SSPN: variants seen among roughly 807,000 people sequenced by gnomAD.
SSPN encodes the protein K-ras oncogene-associated protein.
A neutral mutation model predicts 19.1 loss-of-function variants in SSPN; 15 were observed. The ratio of observed to expected loss-of-function variants is 0.78; its 90% confidence interval spans 0.52 to 1.21. The LOEUF is 1.21. Ranked by LOEUF, SSPN falls within the 50% of genes most tolerant of loss-of-function variation. The pLI is 0.00. For synonymous variants in SSPN, 147 were observed against 140.3 expected (o/e 1.05, Z -0.34); for missense variants, 291 against 314.0 (o/e 0.93, Z 0.55).
chr12:26,161,169 C>T (rs1405480993), intron 1 of SSPN, among the ~76,000 whole-genome samples: 1 of 151,524 alleles, frequency 6.6e-6, no homozygotes, highest in Non-Finnish European at 1.5e-5. Context: ...TGCTTAAAAC[C>T]TTGCATGGCT....
chr12:26,228,011 T>A (rs1430708387), intron 2 of SSPN, among the ~76,000 whole-genome samples: 1 of 152,230 alleles, frequency 6.6e-6, no homozygotes, highest in African/African-American at 2.4e-5. Context: ...ATGAGTAAAA[T>A]CTTTTTCAAC....
chr12:26,182,653 C>A (rs1944727252), intron 1 of SSPN, among the ~76,000 whole-genome samples: 2 of 139,448 alleles, frequency 1.4e-5, no homozygotes, highest in African/African-American at 5.2e-5. Flanking sequence ...CCTTCCCTCC[C>A]CTCCAGTGGC....
At chr12:26,146,608 A>G (rs917618564) in intron 1 of SSPN, among the ~76,000 whole-genome samples, 13 of 152,204 alleles carry the variant, frequency 8.5e-5, no homozygotes, top group African/African-American at 3.1e-4. Flanking sequence ...AGATCACTTG[A>G]GGCCAGGAGT....
At chr12:26,204,511 G>A (rs1374994727) in intron 1 of SSPN, among the ~76,000 whole-genome samples, 1 of 56,970 alleles carries the variant, frequency 1.8e-5, no homozygotes, top group East Asian at 5.3e-4. Context: ...AGGATACTTT[G>A]GCTTCTGATG....
chr12:26,164,899 ATCC>A (rs1276550284), intron 1 of SSPN, among the ~76,000 whole-genome samples: 3 of 152,110 alleles, frequency 2.0e-5, no homozygotes, highest in Non-Finnish European at 2.9e-5. Flanking sequence ...CCTCCTCTCA[ATCC>A]TCCTCTTCAG....
intron 1 of SSPN, chr12:26,124,698 CA>C: frequency 6.2e-7 from 1 of 1,613,712 alleles, no homozygotes; most frequent in East Asian, 2.2e-5. Flanking sequence ...CAGATATTCG[CA>C]AGGGTGCGTG....
At chr12:26,225,745 TAAAAAA>T (rs35244146) in intron 2 of SSPN, among the ~76,000 whole-genome samples, 7 of 121,888 alleles carry the variant, frequency 5.7e-5, no homozygotes, top group Non-Finnish European at 6.7e-5. Flanking sequence ...GCTTGGTGAT[TAAAAAA>T]AAAAAAAAAA....
intron 1 of SSPN, among the ~76,000 whole-genome samples, chr12:26,201,045 ATT>A (rs1565685534): frequency 0.027 from 1,355 of 49,900 alleles, 26 homozygotes; most frequent in South Asian, 0.08. Flanking sequence ...ATATATATAT[ATT>A]ATATATATAT....
chr12:26,213,415 A>G (rs1288439788), intron 1 of SSPN, among the ~76,000 whole-genome samples: 1 of 152,192 alleles, frequency 6.6e-6, no homozygotes, highest in Non-Finnish European at 1.5e-5. Flanking sequence ...CCAAGGGTTA[A>G]CTTCATCAGT....
chr12:26,220,535 C>T lies in SSPN; in HGVS notation c.280-3758C>T, dbSNP rs114989171. ...AGATTCTTCATAACTGGGTAACTAA[C>T]TAACATAACTGGGCCCTTTTCTGTT... On this transcript the variant is annotated intron_variant, in intron 1 of 2. Coordinates refer to ENST00000242729, the MANE Select transcript of SSPN (RefSeq NM_005086.5). Among the ~76,000 whole-genome samples, 678 of 152,298 alleles carry T rather than the reference C, an allele frequency of 4.5e-3. 2 individuals are homozygous for T. Among genetic ancestry groups the T allele is most frequent in the African/African-American group, 0.015 (613 of 41,572 alleles).
At chr12:26,152,307 T>G (rs926011058) in intron 1 of SSPN, among the ~76,000 whole-genome samples, 1 of 152,156 alleles carries the variant, frequency 6.6e-6, no homozygotes, top group Non-Finnish European at 1.5e-5. Flanking sequence ...CTCAAGATCA[T>G]AGATAACAAT....
At chr12:26,124,802 C>T in intron 1 of SSPN, 1 of 1,613,932 alleles carries the variant, frequency 6.2e-7, no homozygotes, top group Non-Finnish European at 8.5e-7. Context: ...TTCGTTTCCT[C>T]TGTTTCGATT....
At chr12:26,187,192 G>A (rs997303751) in intron 1 of SSPN, among the ~76,000 whole-genome samples, 3 of 152,242 alleles carry the variant, frequency 2.0e-5, no homozygotes, top group Non-Finnish European at 4.4e-5. Flanking sequence ...CCCCAGGGCA[G>A]AGATGCCAAG....
intron 1 of SSPN, among the ~76,000 whole-genome samples, chr12:26,189,858 A>G (rs566139470): frequency 4.9e-4 from 74 of 152,320 alleles, no homozygotes; most frequent in Admixed American, 3.9e-3. Flanking sequence ...GAGTTCAAGG[A>G]CAGAGTGAAT....
At chr12:26,155,842 C>G (rs192379305) in intron 1 of SSPN, among the ~76,000 whole-genome samples, 1 of 152,156 alleles carries the variant, frequency 6.6e-6, no homozygotes, top group Non-Finnish European at 1.5e-5. Context: ...CTGTTGTTAG[C>G]CCCAGTGAAC....
intron 1 of SSPN, among the ~76,000 whole-genome samples, chr12:26,188,499 T>A (rs555889496): frequency 1.3e-5 from 2 of 152,372 alleles, no homozygotes; most frequent in African/African-American, 4.8e-5. Context: ...ATAGTTTATG[T>A]ATGACACAGG....
chr12:26,208,178 A>G (rs1450706599), intron 1 of SSPN, among the ~76,000 whole-genome samples: 1 of 152,188 alleles, frequency 6.6e-6, no homozygotes, highest in African/African-American at 2.4e-5. Context: ...CTAGAAGTCA[A>G]ATTGTTGGGT....
upstream of SSPN, among the ~76,000 whole-genome samples, chr12:26,194,237 C>A (rs1462303777): frequency 6.6e-6 from 1 of 152,170 alleles, no homozygotes; most frequent in Admixed American, 6.5e-5. Context: ...TTATTGATTT[C>A]TTCTGTGACT....
At chr12:26,153,036 A>G (rs1565673325) in intron 1 of SSPN, among the ~76,000 whole-genome samples, 2 of 152,110 alleles carry the variant, frequency 1.3e-5, no homozygotes. Flanking sequence ...GCTCCTTCTC[A>G]TTGTTCAGGT....
Sources: gnomAD v4.1 joint callset for allele counts (sites outside exome capture counted in the v4.1 genomes callset) on GRCh38, gnomAD v4.1.1 for gene constraint, MANE v1.5 for transcripts, NCBI Gene and HGNC (gene_info 2026-07-23, HGNC 2026-07-21) for gene names.